The following COX7B2 variants were observed in gnomAD, a reference collection of about 807,000 sequenced individuals.
COX7B2 encodes cytochrome c oxidase subunit 7B2.
For missense variants in COX7B2, 109 were observed against 95.9 expected, an observed-to-expected ratio of 1.14 and a Z score of -0.57; for synonymous variants, 37 against 32.1, an observed-to-expected ratio of 1.15 and a Z score of -0.51.
intron 2 of COX7B2, among the ~76,000 whole-genome samples, chr4:46,792,152 G>C (rs1432908227): frequency 6.6e-6 from 1 of 152,172 alleles, no homozygotes; most frequent in East Asian, 1.9e-4. Flanking sequence ...GATTGCCTAA[G>C]ACCTTCACCT....
chr4:46,741,257 G>T (rs1288615526), intron 2 of COX7B2, among the ~76,000 whole-genome samples: 1 of 152,054 alleles, frequency 6.6e-6, no homozygotes, highest in East Asian at 1.9e-4. Context: ...GCATTAAGGG[G>T]TATATCAGGG....
intron 1 of COX7B2, among the ~76,000 whole-genome samples, chr4:46,849,421 C>T (rs993829315): frequency 6.6e-6 from 1 of 151,922 alleles, no homozygotes; most frequent in Non-Finnish European, 1.5e-5. Context: ...TTTAAATGCC[C>T]TCCCCATTTG....
At chr4:46,793,548 G>A (rs902086987) in intron 2 of COX7B2, among the ~76,000 whole-genome samples, 5 of 152,182 alleles carry the variant, frequency 3.3e-5, no homozygotes, top group Non-Finnish European at 5.9e-5. Flanking sequence ...TTGGCTGGTT[G>A]CTCCTAATGC....
At chr4:46,896,208 A>C (rs574306429) in intron 1 of COX7B2, among the ~76,000 whole-genome samples, 24 of 152,298 alleles carry the variant, frequency 1.6e-4, no homozygotes, top group African/African-American at 4.3e-4. Flanking sequence ...TATAAATTTG[A>C]CTATGGTTTC....
At chr4:46,849,952 A>G (rs1187629952) in intron 1 of COX7B2, among the ~76,000 whole-genome samples, 1 of 152,098 alleles carries the variant, frequency 6.6e-6, no homozygotes, top group Non-Finnish European at 1.5e-5. Context: ...CCTCACAGCT[A>G]TCATAAAAAG....
chr4:46,818,674 G>A lies in COX7B2; in HGVS notation c.-50+26286C>T, dbSNP rs374044746. Among the ~76,000 whole-genome samples, 77 of 151,580 alleles carry A rather than the reference G, an allele frequency of 5.1e-4. No individual in the cohort carries two copies. The East Asian group carries it at 8.6e-3, about 17-fold the overall frequency. On this transcript the variant is annotated intron_variant, in intron 2 of 2. Coordinates refer to ENST00000355591, the MANE Select transcript of COX7B2 (RefSeq NM_130902.3). ...AAGAAAGAAAGAAAACAGACTACTA[G>A]ATCTCAAGCATCTTTCATTGTAATG...
At chr4:46,739,891 A>C (rs1293555715) in intron 2 of COX7B2, among the ~76,000 whole-genome samples, 1 of 152,064 alleles carries the variant, frequency 6.6e-6, no homozygotes, top group Non-Finnish European at 1.5e-5. Context: ...CATTTGACTC[A>C]ATTCTACAGG....
intron 2 of COX7B2, among the ~76,000 whole-genome samples, chr4:46,837,785 G>A (rs1051505844): frequency 2.0e-5 from 3 of 152,004 alleles, no homozygotes; most frequent in African/African-American, 7.2e-5. Context: ...TGCTTTGTGT[G>A]TTCCTATACT....
intron 2 of COX7B2, among the ~76,000 whole-genome samples, chr4:46,775,658 G>A (rs1247980617): frequency 6.6e-6 from 1 of 152,086 alleles, no homozygotes; most frequent in Non-Finnish European, 1.5e-5. Context: ...AAGATACACG[G>A]AGAGTCAAAA....
chr4:46,906,969 C>T (rs933066852), intron 1 of COX7B2, among the ~76,000 whole-genome samples: 5 of 152,190 alleles, frequency 3.3e-5, no homozygotes. Context: ...TGAAAACCAC[C>T]TAATGACACT....
At chr4:46,794,779 G>A (rs1381204196) in intron 2 of COX7B2, among the ~76,000 whole-genome samples, 2 of 152,160 alleles carry the variant, frequency 1.3e-5, no homozygotes. Context: ...TATGGTGTTG[G>A]CTAAATGACT....
rs1350878658 is a variant in COX7B2 at position 46,885,476 on chromosome 4, G to C, written c.-105+23684C>G. ...AAGTTCCAAATGATTTTGTAGATTT[G>C]TATTTGCGCAGCACCTTACTGATTT... is the stretch of plus-strand genomic sequence containing the variant. On this transcript the variant is annotated intron_variant, in intron 1 of 2. Transcript: ENST00000355591. 2.0e-5 allele frequency among the ~76,000 whole-genome samples: 3 copies of C among 152,074 alleles called. No individual in the cohort carries two copies. The East Asian group carries it at 5.8e-4, about 29-fold the overall frequency.
At chr4:46,797,625 G>A (rs1235188455) in intron 2 of COX7B2, among the ~76,000 whole-genome samples, 1 of 152,162 alleles carries the variant, frequency 6.6e-6, no homozygotes, top group African/African-American at 2.4e-5. Context: ...CGGAAGGGCT[G>A]CAGAGATTAG....
At chr4:46,816,785 TATGTAGACTA>T (rs1719580466) in intron 2 of COX7B2, among the ~76,000 whole-genome samples, 3 of 152,038 alleles carry the variant, frequency 2.0e-5, no homozygotes, top group African/African-American at 7.2e-5. Context: ...GCTGAGGTTG[TATGTAGACTA>T]GAAATAAATC....
chr4:46,756,522 A>G (rs1356832159), intron 2 of COX7B2, among the ~76,000 whole-genome samples: 1 of 152,102 alleles, frequency 6.6e-6, no homozygotes, highest in Non-Finnish European at 1.5e-5. Context: ...ATCCTACAGA[A>G]TGGGAAAAAT....
chr4:46,820,676 C>A (rs1210884291), intron 2 of COX7B2, among the ~76,000 whole-genome samples: 1 of 151,872 alleles, frequency 6.6e-6, no homozygotes, highest in Admixed American at 6.6e-5. Context: ...ACAAAATTAG[C>A]TGGGCATGGT....
rs1430537470 is a variant in COX7B2, at chr4:46,753,914, A to G, written c.-49-18673T>C. Among the ~76,000 whole-genome samples the G allele has an allele frequency of 3.3e-5, 5 of 152,308 alleles. No individual in the cohort carries two copies. The South Asian group carries it at 6.2e-4, about 19-fold the overall frequency. ...ACAAGTAGGCAGAGGATATGAACAG[A>G]CACTTCTCAAAAGAAGACATTTATG... On this transcript the variant is annotated intron_variant, in intron 2 of 2. Coordinates refer to ENST00000355591, the MANE Select transcript of COX7B2 (RefSeq NM_130902.3).
intron 1 of COX7B2, among the ~76,000 whole-genome samples, chr4:46,900,423 G>C (rs1035765982): frequency 5.3e-5 from 8 of 152,108 alleles, no homozygotes; most frequent in African/African-American, 1.9e-4. Flanking sequence ...TCTCACATGG[G>C]TAGTTTGGCT....
chr4:46,775,952 G>A (rs1282649820), intron 2 of COX7B2, among the ~76,000 whole-genome samples: 4 of 152,114 alleles, frequency 2.6e-5, no homozygotes, highest in Non-Finnish European at 5.9e-5. Flanking sequence ...AATGTGAGAT[G>A]CCAATACTTG....
Sources: allele counts gnomAD v4.1 joint callset (sites outside exome capture counted in the v4.1 genomes callset), GRCh38; gene constraint gnomAD v4.1.1; transcripts MANE v1.5; gene names NCBI Gene and HGNC (gene_info 2026-07-23, HGNC 2026-07-21).